The following NBEA variants were observed in gnomAD, a reference collection of about 807,000 sequenced individuals.
NBEA encodes the protein neurobeachin, also known as lysosomal-trafficking regulator 2.
NBEA carries 44 observed loss-of-function variants against 343.4 expected under a neutral mutation model. The observed-to-expected ratio is 0.13, with a 90% CI of 0.10 to 0.16. The LOEUF (loss-of-function observed/expected upper bound fraction) is 0.16, where lower values mean the gene tolerates loss of function less well. NBEA is among the 10% of genes least tolerant of loss of function. NBEA has a pLI of 1.00. For synonymous variants in NBEA, 1,175 were observed against 1,238.7 expected (o/e 0.95, Z 1.08); for missense variants, 2,555 against 3,631.3 (o/e 0.70, Z 7.62).
chr13:35,264,006 C>A, intron 34 of NBEA, among the ~76,000 whole-genome samples: 1 of 148,346 alleles, frequency 6.7e-6, no homozygotes, highest in East Asian at 2.0e-4. Flanking sequence ...TAAAGAAAAA[C>A]TTTACAAACC....
rs58091499 is a variant in NBEA at position 35,000,593 on chromosome 13, A to AACACACAC, written c.295-40327_295-40320dup. On this transcript the variant is annotated intron_variant, in intron 1 of 58. Transcript: ENST00000379939. Reference sequence around the variant, plus strand: ...TAGATTATATATTTATAATATATATAACACACACACACACACACACGTTTT... The same window carrying AACACACAC: ...TAGATTATATATTTATAATATATATAACACACACACACACACACACACACACACGTTTT... Among the ~76,000 whole-genome samples the AACACACAC allele has an allele frequency of 7.4e-3, 1,088 of 147,798 alleles. 11 individuals are homozygous for AACACACAC. The highest frequency in any genetic ancestry group is 0.021 in the African/African-American group (853 of 40,542).
intron 1 of NBEA, among the ~76,000 whole-genome samples, chr13:35,004,354 G>A (rs796359706): frequency 1.3e-5 from 2 of 151,936 alleles, no homozygotes; most frequent in Non-Finnish European, 2.9e-5. Flanking sequence ...GAATTGCCAC[G>A]GTGTTATATT....
chr13:34,996,301 A>AT (rs1491587090), intron 1 of NBEA, among the ~76,000 whole-genome samples: 2 of 152,188 alleles, frequency 1.3e-5, no homozygotes, highest in Non-Finnish European at 2.9e-5. Flanking sequence ...AACTGTTGAT[A>AT]GAGTCTTTAT....
At chr13:35,402,215 A>G (rs1021915763) in intron 38 of NBEA, among the ~76,000 whole-genome samples, 1 of 152,044 alleles carries the variant, frequency 6.6e-6, no homozygotes, top group Non-Finnish European at 1.5e-5. Flanking sequence ...TTTAAATTAT[A>G]TAAATACATC....
chr13:35,657,019 C>G (rs1284260055), intron 55 of NBEA, among the ~76,000 whole-genome samples: 1 of 152,184 alleles, frequency 6.6e-6, no homozygotes, highest in African/African-American at 2.4e-5. Flanking sequence ...ATCCACCCTT[C>G]ATGTCCCACT....
rs1555295329 is a variant in NBEA, at chr13:35,536,669, T to TAGATAGATAGAC, written c.6586-13805_6586-13804insTAGATAGACAGA. ...GATGATAGATAGATAGATAGATAGATAGACAGACAGACAGACAGTCAGTCC... is the reference window on the plus strand; with the variant it reads ...GATGATAGATAGATAGATAGATAGATAGATAGATAGACAGACAGACAGACAGACAGTCAGTCC... On this transcript the variant is annotated intron_variant, in intron 41 of 58. Transcript: ENST00000379939. 2.1e-3 allele frequency among the ~76,000 whole-genome samples: 319 copies of TAGATAGATAGAC among 151,768 alleles called. 2 individuals carry two copies. The highest frequency in any genetic ancestry group is 7.1e-3 in the African/African-American group (293 of 41,228).
chr13:35,235,841 A>C (rs1160134862), intron 34 of NBEA, among the ~76,000 whole-genome samples: 11 of 152,214 alleles, frequency 7.2e-5, no homozygotes, highest in Admixed American at 6.5e-4. Context: ...CATTAAGAAC[A>C]TGCCTTCATT....
At chr13:35,628,352 T>C (rs1163429163) in intron 49 of NBEA, 104 bp downstream of exon 49, 18 of 868,392 alleles carry the variant, frequency 2.1e-5, no homozygotes, top group Non-Finnish European at 2.5e-5. Context: ...ACATAACTTC[T>C]TACAAAACAG....
intron 38 of NBEA, among the ~76,000 whole-genome samples, chr13:35,365,915 G>A (rs1436062073): frequency 1.3e-5 from 2 of 151,524 alleles, no homozygotes; most frequent in Admixed American, 6.6e-5. Context: ...AGATTGTGGA[G>A]CATTTTCTGA....
intron 24 of NBEA, among the ~76,000 whole-genome samples, chr13:35,165,997 GT>G (rs1217947334): frequency 6.6e-6 from 1 of 151,730 alleles, no homozygotes; most frequent in Non-Finnish European, 1.5e-5. Context: ...CGTGTTTTTT[GT>G]TTTATATATT....
chr13:35,019,414 C>T (rs2061759894), intron 1 of NBEA, among the ~76,000 whole-genome samples: 1 of 151,846 alleles, frequency 6.6e-6, no homozygotes, highest in Admixed American at 6.6e-5. Flanking sequence ...TCTTGTGCCT[C>T]AGGCTCCCGA....
chr13:35,491,660 T>A (rs964452225), intron 41 of NBEA, among the ~76,000 whole-genome samples: 1 of 151,922 alleles, frequency 6.6e-6, no homozygotes, highest in South Asian at 2.1e-4. Flanking sequence ...TCTCTTAATT[T>A]ATTTTTGGTG....
chr13:35,051,855 T>C (rs1024001170), intron 6 of NBEA, among the ~76,000 whole-genome samples: 3 of 152,040 alleles, frequency 2.0e-5, no homozygotes, highest in Non-Finnish European at 4.4e-5. Flanking sequence ...AACTTTTCTC[T>C]TCAGACAATT....
intron 1 of NBEA, among the ~76,000 whole-genome samples, chr13:35,033,665 C>G (rs2062327060): frequency 6.6e-6 from 1 of 151,674 alleles, no homozygotes; most frequent in African/African-American, 2.4e-5. Context: ...TTTTGGGTGT[C>G]CTCTTCAATT....
At chr13:35,296,726 T>A (rs2036158180) in intron 35 of NBEA, among the ~76,000 whole-genome samples, 1 of 152,004 alleles carries the variant, frequency 6.6e-6, no homozygotes, top group Non-Finnish European at 1.5e-5. Flanking sequence ...ACAACAACTT[T>A]GAAAAATAGT....
intron 38 of NBEA, among the ~76,000 whole-genome samples, chr13:35,359,828 GTGTA>G (rs750454102): frequency 0.031 from 4,410 of 143,664 alleles, 96 homozygotes; most frequent in Non-Finnish European, 0.045. Context: ...GTGTGTGTGT[GTGTA>G]TGTGTGTGTG....
intron 1 of NBEA, among the ~76,000 whole-genome samples, chr13:35,040,543 A>T (rs2062611677): frequency 6.6e-6 from 1 of 152,098 alleles, no homozygotes; most frequent in Non-Finnish European, 1.5e-5. Context: ...AAGACTAGTA[A>T]TGTCAAAAAA....
rs185163350 is a variant in NBEA at position 35,544,882 on chromosome 13, C to A, written c.6586-5595C>A. Among the ~76,000 whole-genome samples the A allele has an allele frequency of 3.0e-4, 46 of 152,210 alleles. No homozygotes were observed. The East Asian group carries it at 6.2e-3, about 20-fold the overall frequency. On this transcript the variant is annotated intron_variant, in intron 41 of 58. Coordinates refer to ENST00000379939, the MANE Select transcript of NBEA (RefSeq NM_001385012.1). ...GTTTATTCAGTTCTCAAAAATGAAA[C>A]TGGATGGGATAGTATTTGTTGATTA... is the stretch of plus-strand genomic sequence containing the variant.
chr13:35,426,782 C>G (rs980700725), intron 38 of NBEA, among the ~76,000 whole-genome samples: 11 of 152,186 alleles, frequency 7.2e-5, no homozygotes, highest in African/African-American at 2.7e-4. Context: ...TTCAGGTACA[C>G]CAATCAGACA....
Sources: gnomAD v4.1 joint callset for allele counts (sites outside exome capture counted in the v4.1 genomes callset) on GRCh38, gnomAD v4.1.1 for gene constraint, MANE v1.5 for transcripts, NCBI Gene and HGNC (gene_info 2026-07-23, HGNC 2026-07-21) for gene names.